RHBDL3: variants seen among roughly 807,000 people sequenced by gnomAD.
RHBDL3 encodes rhomboid like 3, also known as rhomboid-related protein 3.
In RHBDL3, 28 loss-of-function variants were observed where a neutral mutation model predicts 48.2. The ratio of observed to expected loss-of-function variants is 0.58; its 90% CI spans 0.43 to 0.80. The LOEUF (loss-of-function observed/expected upper bound fraction) is 0.80, where lower values mean the gene tolerates loss of function less well. Ranked by LOEUF, RHBDL3 falls within the 30% of genes least tolerant of loss-of-function variation. The probability of loss-of-function intolerance (pLI) is 0.00; values close to 1 mark genes in which losing one functional copy is unlikely to be tolerated. For missense variants in RHBDL3, 464 were observed against 542.7 expected (o/e 0.85, Z 1.44); for synonymous variants, 208 against 232.3 (o/e 0.90, Z 0.95).
chr17:32,277,529 A>G (rs1293680049), intron 2 of RHBDL3, among the ~76,000 whole-genome samples: 1 of 152,184 alleles, frequency 6.6e-6, no homozygotes, highest in Non-Finnish European at 1.5e-5. Context: ...CAGTGGCCCC[A>G]TTAGGCCAGT....
chr17:32,303,086 C>T (rs1025008084), intron 6 of RHBDL3, among the ~76,000 whole-genome samples: 3 of 152,188 alleles, frequency 2.0e-5, no homozygotes, highest in Admixed American at 6.5e-5. Flanking sequence ...CACAATCCTA[C>T]GCTGACCCCT....
At chr17:32,312,745 T>A (rs2040874768) in intron 7 of RHBDL3, among the ~76,000 whole-genome samples, 1 of 152,032 alleles carries the variant, frequency 6.6e-6, no homozygotes, top group South Asian at 2.1e-4. Flanking sequence ...CTTGAGCTCC[T>A]GGCCTCAAGT....
chr17:32,282,342 G>A (rs943502711), intron 2 of RHBDL3, among the ~76,000 whole-genome samples: 1 of 152,142 alleles, frequency 6.6e-6, no homozygotes, highest in African/African-American at 2.4e-5. Context: ...TGAGGCAGGA[G>A]GATCACTTAA....
At chr17:32,301,336 G>A (rs1226421222) in intron 6 of RHBDL3, among the ~76,000 whole-genome samples, 2 of 151,904 alleles carry the variant, frequency 1.3e-5, no homozygotes, top group African/African-American at 4.8e-5. Flanking sequence ...GGGAGGCTGA[G>A]GTGAGGGGAT....
chr17:32,319,367 A>G (rs1409859706), intron 8 of RHBDL3, among the ~76,000 whole-genome samples: 1 of 140,568 alleles, frequency 7.1e-6, no homozygotes, highest in African/African-American at 2.7e-5. Flanking sequence ...GCTTGCAGTG[A>G]GCCGAGATCG....
At chr17:32,314,281 G>A (rs2040916698) in intron 7 of RHBDL3, among the ~76,000 whole-genome samples, 1 of 152,174 alleles carries the variant, frequency 6.6e-6, no homozygotes, top group Admixed American at 6.5e-5. Flanking sequence ...ATAGACATAT[G>A]TATGTATATT....
intron 7 of RHBDL3, among the ~76,000 whole-genome samples, chr17:32,309,595 T>G (rs2040792435): frequency 6.6e-6 from 1 of 151,986 alleles, no homozygotes; most frequent in Non-Finnish European, 1.5e-5. Context: ...AAAATCCACA[T>G]TTGAGTACCA....
In RHBDL3 at chr17:32,316,398, A is replaced by C. The variant is rs567302154; in HGVS notation, c.943+106A>C. ...ACGGGCTTATGGTCAAGAAAAAAAA[A>C]GTGGGACATGTCAATGGTTAGCAAA... On this transcript the variant is annotated intron_variant, in intron 8 of 8. Transcript: ENST00000269051. 65 of 810,014 alleles carry C rather than the reference A, an allele frequency of 8.0e-5. No individual in the cohort carries two copies. In the African/African-American group the frequency reaches 8.7e-4, roughly 11 times the overall value. The allele number at this position is 810,014 out of a possible 1,614,324, so 50.2% of individuals were successfully genotyped here.
rs1404575996 is a variant in RHBDL3, at chr17:32,284,677, G to C, written c.154G>C (p.Gly52Arg). 1 of 1,614,170 alleles carries C rather than the reference G, an allele frequency of 6.2e-7. No individual in the cohort carries two copies. The highest frequency in any genetic ancestry group is 8.5e-7 in the Non-Finnish European group (1 of 1,179,980). ...LFDQFDPGNT[G>R]YISTGKFRSL... ...CCCTCAGTTTGACCCTGGGAACACA[G>C]GCTACATTAGCACAGGCAAGTTCCG... The change falls in exon 3 of 9, where the codon GGC becomes CGC. Residue 52 changes from glycine to arginine, a missense_variant. Transcript: ENST00000269051.
intron 2 of RHBDL3, among the ~76,000 whole-genome samples, chr17:32,283,154 A>G (rs1422497391): frequency 6.6e-6 from 1 of 151,862 alleles, no homozygotes; most frequent in Non-Finnish European, 1.5e-5. Flanking sequence ...GATGCAGTGG[A>G]GTCTTATGTA....
intron 3 of RHBDL3, among the ~76,000 whole-genome samples, chr17:32,286,141 C>T (rs570928772): frequency 5.9e-5 from 9 of 152,168 alleles, no homozygotes; most frequent in Non-Finnish European, 1.2e-4. Flanking sequence ...CCACCAAAGA[C>T]CAGGCCAAAG....
intron 5 of RHBDL3, among the ~76,000 whole-genome samples, chr17:32,296,859 G>A (rs1490171293): frequency 6.7e-6 from 1 of 149,612 alleles, no homozygotes; most frequent in African/African-American, 2.5e-5. Flanking sequence ...TTTTGCCCAG[G>A]CTGGAGTGCA....
chr17:32,271,387 G>A (rs2039770662), intron 2 of RHBDL3, among the ~76,000 whole-genome samples: 1 of 152,068 alleles, frequency 6.6e-6, no homozygotes, highest in African/African-American at 2.4e-5. Context: ...ATTTTGCACA[G>A]GTAATGTCCC....
At chr17:32,298,697 T>TA (rs1434454395) in intron 6 of RHBDL3, among the ~76,000 whole-genome samples, 1 of 152,320 alleles carries the variant, frequency 6.6e-6, no homozygotes, top group Non-Finnish European at 1.5e-5. Context: ...CCTGGCCACG[T>TA]AGCACCTGTC....
chr17:32,293,039 G>A, intron 4 of RHBDL3, among the ~76,000 whole-genome samples: 1 of 151,832 alleles, frequency 6.6e-6, no homozygotes, highest in East Asian at 1.9e-4. Context: ...GATGAACCTT[G>A]AAAATATTAT....
intron 2 of RHBDL3, 110 bp from the exon 3 acceptor site, chr17:32,284,549 A>T: frequency 9.6e-7 from 1 of 1,046,622 alleles, no homozygotes; most frequent in Non-Finnish European, 1.4e-6. Context: ...AGCCTCTGCC[A>T]GGGGCTGGGG....
At position 32,309,626 on chromosome 17, in the gene RHBDL3, A is replaced by G. The variant is rs74251409; in HGVS notation, c.882+4185A>G. On this transcript the variant is annotated intron_variant, in intron 7 of 8. Transcript: ENST00000269051. Reference sequence around the variant, plus strand: ...TACCAATGTCACCATCTTAATAGCTATGAGTCTATTACTCAACTTCTTGGA... The same window carrying G: ...TACCAATGTCACCATCTTAATAGCTGTGAGTCTATTACTCAACTTCTTGGA... 2.2e-3 allele frequency among the ~76,000 whole-genome samples: 338 copies of G among 152,282 alleles called. 3 individuals carry two copies. In the East Asian group the frequency reaches 0.045, roughly 20 times the overall value.
chr17:32,311,185 G>A (rs9907479), intron 7 of RHBDL3, among the ~76,000 whole-genome samples: 4,893 of 152,284 alleles, frequency 0.032, 268 homozygotes, highest in African/African-American at 0.11. Context: ...TTGAGGCTCT[G>A]GGAGAATGAA....
At chr17:32,311,460 G>A (rs1444557729) in intron 7 of RHBDL3, among the ~76,000 whole-genome samples, 2 of 152,226 alleles carry the variant, frequency 1.3e-5, no homozygotes, top group African/African-American at 4.8e-5. Context: ...AGCTGGGACA[G>A]ACGGCCCAGG....
Sources: allele counts gnomAD v4.1 joint callset (sites outside exome capture counted in the v4.1 genomes callset), GRCh38; gene constraint gnomAD v4.1.1; transcripts MANE v1.5; gene names NCBI Gene and HGNC (gene_info 2026-07-23, HGNC 2026-07-21).